Variants in DYM observed in about 807,000 individuals in gnomAD.
The protein encoded by DYM is dymeclin.
Under a neutral mutation model 93.1 loss-of-function variants are expected in DYM, and 78 were observed. The observed-to-expected ratio is 0.84, with a 90% CI of 0.70 to 1.01. DYM has a LOEUF of 1.01. Among genes scored for constraint, DYM ranks in the 50% least tolerant of loss-of-function variants. DYM has a pLI of 0.00. For missense variants in DYM, 789 were observed against 845.0 expected, an observed-to-expected ratio of 0.93 and a Z score of 0.82; for synonymous variants, 321 against 319.7, an observed-to-expected ratio of 1.00 and a Z score of -0.04.
chr18:49,406,972 AAACT>A (rs2148130246), intron 2 of DYM, among the ~76,000 whole-genome samples: 1 of 152,346 alleles, frequency 6.6e-6, no homozygotes, highest in African/African-American at 2.4e-5. Flanking sequence ...CTGTCTAAAC[AAACT>A]ATGGCACATC....
rs189322674 is a variant in DYM, at chr18:49,139,191, G to A, written c.1729-20265C>T. Among the ~76,000 whole-genome samples, 47 of 152,118 alleles carry A rather than the reference G, an allele frequency of 3.1e-4. 1 individual carries two copies. The highest frequency in any genetic ancestry group is 1.1e-3 in the African/African-American group (46 of 41,532). ...TTTAATTTTTATCAGAGTGATAAGA[G>A]AGCAGTTGAAATTCAAGATTACTAG... is the stretch of plus-strand genomic sequence containing the variant. On this transcript the variant is annotated intron_variant, in intron 15 of 17. Transcript: ENST00000675505.
intron 14 of DYM, among the ~76,000 whole-genome samples, chr18:49,199,366 T>G (rs992300446): frequency 1.4e-4 from 21 of 152,218 alleles, no homozygotes; most frequent in African/African-American, 4.8e-4. Context: ...ACCCTAAAAC[T>G]TAAAGTATAA....
At chr18:49,446,674 G>C (rs1369437245) in intron 1 of DYM, among the ~76,000 whole-genome samples, 1 of 152,206 alleles carries the variant, frequency 6.6e-6, no homozygotes, top group Non-Finnish European at 1.5e-5. Flanking sequence ...AGAAGGGAAT[G>C]ATATACAGAG....
chr18:49,174,312 T>C lies in DYM; in HGVS notation c.1626-10525A>G, dbSNP rs1322188327. On this transcript the variant is annotated intron_variant, in intron 14 of 17. Transcript: ENST00000675505. ...CATCTCTCTAACCTTTTACATTTGT[T>C]AACTAAATATACAGCTCCTTAATGA... Among the ~76,000 whole-genome samples the C allele has an allele frequency of 2.6e-5, 4 of 152,142 alleles. No individual in the cohort carries two copies. The East Asian group carries it at 7.7e-4, about 29-fold the overall frequency.
chr18:49,092,241 T>C (rs564237847), intron 17 of DYM, among the ~76,000 whole-genome samples: 2 of 152,246 alleles, frequency 1.3e-5, no homozygotes, highest in East Asian at 3.8e-4. Context: ...ATTGTTCCAG[T>C]TGGACACTAA....
intron 13 of DYM, among the ~76,000 whole-genome samples, chr18:49,252,507 G>T (rs1342858620): frequency 6.6e-6 from 1 of 152,140 alleles, no homozygotes; most frequent in Non-Finnish European, 1.5e-5. Flanking sequence ...ACTTCCACCT[G>T]TTCTCTCCCT....
intron 15 of DYM, among the ~76,000 whole-genome samples, chr18:49,124,913 G>C (rs2082672641): frequency 6.6e-6 from 1 of 152,242 alleles, no homozygotes; most frequent in African/African-American, 2.4e-5. Flanking sequence ...TAAGTTTGAA[G>C]AGTGGCTAAT....
At chr18:49,240,475 T>C (rs2093984084) in intron 13 of DYM, among the ~76,000 whole-genome samples, 1 of 152,228 alleles carries the variant, frequency 6.6e-6, no homozygotes, top group South Asian at 2.1e-4. Context: ...ATTGGTTCAC[T>C]GAATTATGCA....
chr18:49,278,857 T>C (rs1006959993), intron 10 of DYM, among the ~76,000 whole-genome samples: 3 of 152,222 alleles, frequency 2.0e-5, no homozygotes, highest in African/African-American at 4.8e-5. Context: ...TGTACAGATA[T>C]ATTTCTTTTC....
rs2144047870 is a variant in DYM, at chr18:49,043,717, G to A, written c.*338C>T. 1 of 350,878 alleles carries A rather than the reference G, an allele frequency of 2.8e-6. No homozygotes were observed. The highest frequency in any genetic ancestry group is 2.1e-5 in the African/African-American group (1 of 47,780). 21.7% of individuals were successfully genotyped at this position (350,878 alleles called of 1,614,324 possible). ...GTTGAATAGTGTGCACTGTTGGATA[G>A]TGTGCACTGTTGAAGTGTGATGTGC... On this transcript the variant is annotated 3_prime_UTR_variant, in exon 18 of 18. Transcript: ENST00000675505.
intron 17 of DYM, among the ~76,000 whole-genome samples, chr18:49,057,620 T>A (rs970148573): frequency 1.3e-5 from 2 of 152,196 alleles, no homozygotes; most frequent in Non-Finnish European, 2.9e-5. Flanking sequence ...TGTCTTCCTC[T>A]CCTCAGCCTA....
intron 1 of DYM, among the ~76,000 whole-genome samples, chr18:49,460,168 G>A (rs1024424852): frequency 2.6e-5 from 4 of 152,144 alleles, no homozygotes; most frequent in Non-Finnish European, 4.4e-5. Context: ...CTTGGCCTTC[G>A]GTATCCCCCA....
chr18:49,194,559 T>C (rs75235160), intron 14 of DYM, among the ~76,000 whole-genome samples: 1,698 of 152,336 alleles, frequency 0.011, 32 homozygotes, highest in African/African-American at 0.039. Flanking sequence ...AGTTAGTTAA[T>C]AAGTATTTTT....
At chr18:49,357,331 G>C (rs138105236) in intron 6 of DYM, among the ~76,000 whole-genome samples, 222 of 152,158 alleles carry the variant, frequency 1.5e-3, no homozygotes, top group African/African-American at 4.9e-3. Context: ...GAATTAAAAA[G>C]AAATTATTAT....
chr18:49,441,547 G>C (rs77915536), intron 1 of DYM, among the ~76,000 whole-genome samples: 13,510 of 149,338 alleles, frequency 0.09, 812 homozygotes, highest in East Asian at 0.3. Context: ...AGGCAACTAG[G>C]CTCCAAGTGC....
intron 13 of DYM, among the ~76,000 whole-genome samples, chr18:49,214,803 A>G (rs1409992348): frequency 6.6e-6 from 1 of 152,182 alleles, no homozygotes; most frequent in African/African-American, 2.4e-5. Flanking sequence ...AAGGGATGAT[A>G]CTAATAAACT....
At chr18:49,148,757 T>C (rs886333985) in intron 15 of DYM, among the ~76,000 whole-genome samples, 3 of 152,188 alleles carry the variant, frequency 2.0e-5, no homozygotes, top group Non-Finnish European at 1.5e-5. Flanking sequence ...TCAGATAAAC[T>C]CCTTTCCAGC....
chr18:49,425,153 G>T lies in DYM; in HGVS notation c.140+5102C>A, dbSNP rs369642085. 4.3e-4 allele frequency among the ~76,000 whole-genome samples: 66 copies of T among 152,194 alleles called. 1 individual carries two copies. In the South Asian group the frequency reaches 0.013, roughly 31 times the overall value. Reference sequence around the variant, plus strand: ...ACCTGACTTCAAACTATACTACAAGGCTACAGTAACCAAAACAGCATGGTA... The same window carrying T: ...ACCTGACTTCAAACTATACTACAAGTCTACAGTAACCAAAACAGCATGGTA... On this transcript the variant is annotated intron_variant, in intron 2 of 17. Transcript: ENST00000675505.
rs2066190367 is a variant in DYM at position 49,363,183 on chromosome 18, A to C, written c.472T>G (p.Leu158Val). Residue 158 changes from leucine (L) to valine (V), a missense_variant, in exon 6 of 18, where the codon TTG (leucine) becomes GTG (valine). This residue lies in a region of DYM where 450 missense variants were observed against 436.2 expected (regional missense o/e 1.03). Coordinates refer to ENST00000675505, the MANE Select transcript of DYM (RefSeq NM_001353214.3). ...LEELLCCLMQLITDIPLLDIT... is the reference protein window; with the variant it reads ...LEELLCCLMQVITDIPLLDIT... ...TACAAGAGTGGAATATCAGTGATCA[A>C]CTGCATCAAACAGCACAGCAATTCT... is the stretch of plus-strand genomic sequence containing the variant. 1 of 1,613,824 alleles carries C rather than the reference A, an allele frequency of 6.2e-7. No homozygotes were observed. The highest frequency in any genetic ancestry group is 1.3e-5 in the African/African-American group (1 of 74,944).
Sources: gnomAD v4.1 joint callset for allele counts (sites outside exome capture counted in the v4.1 genomes callset) on GRCh38, gnomAD v4.1.1 for gene constraint, gnomAD v4.1.1 regional missense constraint, MANE v1.5 for transcripts, NCBI Gene and HGNC (gene_info 2026-07-23, HGNC 2026-07-21) for gene names.